Variants in RECK observed in about 807,000 individuals in gnomAD.
The protein encoded by RECK is reversion inducing cysteine rich protein with kazal motifs, also known as reversion-inducing cysteine-rich protein with Kazal motifs.
Under a neutral mutation model 115.1 loss-of-function variants are expected in RECK, and 69 were observed. The ratio of observed to expected loss-of-function variants is 0.60; its 90% CI spans 0.49 to 0.73. The LOEUF is 0.73. Among genes scored for constraint, RECK ranks in the 30% least tolerant of loss-of-function variants. The pLI, the probability that RECK is intolerant of heterozygous loss-of-function variation, is 0.00. For missense variants in RECK, 1,047 were observed against 1,203.7 expected (o/e 0.87, Z 1.93); for synonymous variants, 414 against 419.7 (o/e 0.99, Z 0.17).
At chr9:36,073,241 G>GACACACACAC (rs778489595) in intron 6 of RECK, among the ~76,000 whole-genome samples, 1,485 of 67,484 alleles carry the variant, frequency 0.022, 44 homozygotes, top group African/African-American at 0.063. Context: ...GACACACACA[G>GACACACACAC]ACACACACAC....
intron 5 of RECK, 101 bp from the exon 6 acceptor site, chr9:36,065,476 G>A: frequency 1.3e-6 from 1 of 770,874 alleles, no homozygotes; most frequent in Non-Finnish European, 1.9e-6. Context: ...ATGAAATAAA[G>A]GATACTATAT....
chr9:36,063,911 C>G lies in RECK; in HGVS notation c.357+31C>G, dbSNP rs767613452. 3.1e-6 allele frequency: 5 copies of G among 1,599,210 alleles called. No homozygotes were observed. In the East Asian group the frequency reaches 8.9e-5, roughly 29 times the overall value. On this transcript the variant is annotated intron_variant, in intron 5 of 20. Coordinates refer to ENST00000377966, the MANE Select transcript of RECK (RefSeq NM_021111.3). ...ACTGGGTAGTCAGGCTCTCAAACAT[C>G]ATGGAGTGCAGTTTGGTTTTAGCTG...
At chr9:36,100,296 G>C in intron 10 of RECK, 35 bp from the exon 11 acceptor site, 4 of 1,543,290 alleles carry the variant, frequency 2.6e-6, no homozygotes, top group Non-Finnish European at 3.6e-6. Flanking sequence ...GAAAATAATT[G>C]CCTCTTGATT....
At chr9:36,051,015 T>C (rs1821276527) in intron 1 of RECK, among the ~76,000 whole-genome samples, 2 of 152,164 alleles carry the variant, frequency 1.3e-5, no homozygotes, top group African/African-American at 2.4e-5. Context: ...TCCATATATA[T>C]ATATGTATGT....
chr9:36,099,841 G>A (rs955692566), intron 10 of RECK, among the ~76,000 whole-genome samples: 2 of 152,164 alleles, frequency 1.3e-5, no homozygotes, highest in African/African-American at 4.8e-5. Context: ...TGGCCTCTGA[G>A]TTGCAGTCAG....
chr9:36,050,654 G>A (rs1821250124), intron 1 of RECK, among the ~76,000 whole-genome samples: 1 of 152,106 alleles, frequency 6.6e-6, no homozygotes, highest in African/African-American at 2.4e-5. Context: ...CAGAGTAAAA[G>A]CCAAAGTTCT....
intron 12 of RECK, among the ~76,000 whole-genome samples, chr9:36,104,907 C>T (rs1260509638): frequency 1.4e-5 from 2 of 144,554 alleles, no homozygotes; most frequent in African/African-American, 5.8e-5. Context: ...GCACCTAGAA[C>T]CTTGCCTGGA....
At chr9:36,106,029 T>C (rs375884811) in intron 13 of RECK, among the ~76,000 whole-genome samples, 23 of 151,756 alleles carry the variant, frequency 1.5e-4, no homozygotes, top group African/African-American at 2.9e-4. Context: ...CTGGCTAACA[T>C]GGTGAAACCT....
At chr9:36,052,411 T>C (rs1265008444) in intron 2 of RECK, 88 bp downstream of exon 2, 1 of 931,210 alleles carries the variant, frequency 1.1e-6, no homozygotes, top group East Asian at 2.5e-5. Context: ...GGTGGGAGGA[T>C]TGCTTAAGGC....
At chr9:36,100,763 T>G (rs1334399600) in intron 11 of RECK, among the ~76,000 whole-genome samples, 2 of 152,210 alleles carry the variant, frequency 1.3e-5, no homozygotes, top group East Asian at 3.8e-4. Flanking sequence ...CAGACATTCC[T>G]GTAGTCTTCC....
In RECK at chr9:36,094,715, G is replaced by A. The variant is rs2132642509; in HGVS notation, c.1085+3372G>A. 6.6e-6 allele frequency among the ~76,000 whole-genome samples: 1 copy of A among 152,204 alleles called. No homozygotes were observed. Among genetic ancestry groups the A allele is most frequent in the East Asian group, 1.9e-4 (1 of 5,194 alleles). ...AGAGTATCACCTTATAATGATCAAA[G>A]TTCAATTTATCATGAAGATACAATT... On this transcript the variant is annotated intron_variant, in intron 10 of 20. Transcript: ENST00000377966. The surrounding 1 kb of genome is among the most constrained non-coding windows in gnomAD (Gnocchi z 4.1).
intron 1 of RECK, among the ~76,000 whole-genome samples, chr9:36,038,331 C>G (rs1265132604): frequency 6.6e-6 from 1 of 152,124 alleles, no homozygotes; most frequent in African/African-American, 2.4e-5. Flanking sequence ...GGGGTATTAA[C>G]TATAGCTAGG....
intron 6 of RECK, among the ~76,000 whole-genome samples, chr9:36,076,718 AT>A (rs534274790): frequency 1.3e-5 from 2 of 152,314 alleles, no homozygotes; most frequent in Admixed American, 1.3e-4. Flanking sequence ...ATCAAAAATA[AT>A]TTTTTTAGGA....
intron 1 of RECK, among the ~76,000 whole-genome samples, chr9:36,043,307 G>T (rs1820956280): frequency 6.8e-6 from 1 of 148,066 alleles, no homozygotes; most frequent in African/African-American, 2.5e-5. Flanking sequence ...CTCCCAAAGT[G>T]CTGGGATTAC....
chr9:36,083,265 C>G, intron 7 of RECK, 100 bp from the exon 8 acceptor site: 1 of 1,278,060 alleles, frequency 7.8e-7, no homozygotes. Context: ...GGTTTTATTT[C>G]TCAAATTTAG....
At chr9:36,040,045 G>A in intron 1 of RECK, among the ~76,000 whole-genome samples, 1 of 151,660 alleles carries the variant, frequency 6.6e-6, no homozygotes, top group East Asian at 1.9e-4. Flanking sequence ...TATAAATGTG[G>A]TTTTTAAAAG....
chr9:36,042,199 C>T (rs1001526971), intron 1 of RECK, among the ~76,000 whole-genome samples: 2 of 151,998 alleles, frequency 1.3e-5, no homozygotes, highest in Non-Finnish European at 2.9e-5. Flanking sequence ...TATCCCTCAT[C>T]CCCCGCTCAC....
chr9:36,063,446 C>T (rs1821862471), intron 4 of RECK, among the ~76,000 whole-genome samples: 1 of 152,176 alleles, frequency 6.6e-6, no homozygotes, highest in Admixed American at 6.5e-5. Context: ...CTCTGATTAA[C>T]AGTCTAACAG....
chr9:36,052,465 C>G (rs1821348286), intron 2 of RECK, 142 bp downstream of exon 2: 1 of 533,462 alleles, frequency 1.9e-6, no homozygotes, highest in East Asian at 2.9e-5. Flanking sequence ...AGACCCCTGT[C>G]TCTAAAAAAT....
Sources: allele counts gnomAD v4.1 joint callset (sites outside exome capture counted in the v4.1 genomes callset), GRCh38; gene constraint gnomAD v4.1.1; non-coding constraint Gnocchi (gnomAD v3.1); transcripts MANE v1.5; gene names NCBI Gene and HGNC (gene_info 2026-07-23, HGNC 2026-07-21).